The following PRELID3A variants were observed in gnomAD, a reference collection of about 807,000 sequenced individuals.
The protein encoded by PRELID3A is PRELI domain containing 3A, also known as PRELI domain containing protein 3A.
Under a neutral mutation model 23.0 loss-of-function variants are expected in PRELID3A, and 27 were observed. The observed-to-expected ratio is 1.17, with a 90% CI of 0.87 to 1.62. The LOEUF is 1.62. PRELID3A is among the 40% of genes most tolerant of loss of function. PRELID3A has a pLI of 0.00. For synonymous variants in PRELID3A, 87 were observed against 86.4 expected (o/e 1.01, Z -0.04); for missense variants, 231 against 231.4 (o/e 1.00, Z 0.01).
Position 12,407,955 on chromosome 18 carries a change from C to A in PRELID3A, c.-21C>A, listed in dbSNP as rs1279972519. On this transcript the variant is annotated 5_prime_UTR_variant, in exon 1 of 7. Transcript: ENST00000440960. ...AAGCACCCGGCCCGGATCGCAGAGC[C>A]CGCGCCCTGCGCCGGCGGCAATGAA... The A allele has an allele frequency of 7.7e-7, 1 of 1,294,542 alleles. No homozygotes were observed. Among genetic ancestry groups the A allele is most frequent in the Non-Finnish European group, 9.8e-7 (1 of 1,023,574 alleles). 80.2% of individuals were successfully genotyped at this position (1,294,542 alleles called of 1,614,324 possible).
At chr18:12,423,932 C>T (rs1481260475) in intron 3 of PRELID3A, among the ~76,000 whole-genome samples, 1 of 152,204 alleles carries the variant, frequency 6.6e-6, no homozygotes, top group Non-Finnish European at 1.5e-5. Flanking sequence ...CCAGGATGCT[C>T]AGTGCTGTCG....
At chr18:12,417,138 G>A (rs999131741) in intron 1 of PRELID3A, among the ~76,000 whole-genome samples, 10 of 152,076 alleles carry the variant, frequency 6.6e-5, no homozygotes, top group African/African-American at 2.2e-4. Flanking sequence ...ATTGTATTTA[G>A]TTTAAATCAT....
chr18:12,407,929 G>A lies in PRELID3A; in HGVS notation c.-47G>A. ...CGCCGCGCCCGGAGCCGCGCGGCCC[G>A]AAGCACCCGGCCCGGATCGCAGAGC... is the stretch of plus-strand genomic sequence containing the variant. On this transcript the variant is annotated 5_prime_UTR_variant, in exon 1 of 7. Coordinates refer to ENST00000440960, the MANE Select transcript of PRELID3A (RefSeq NM_001142405.2). 2 of 1,277,662 alleles carry A rather than the reference G, an allele frequency of 1.6e-6. No individual in the cohort carries two copies. Among genetic ancestry groups the A allele is most frequent in the Admixed American group, 4.2e-5 (1 of 23,994 alleles). 79.1% of individuals were successfully genotyped at this position (1,277,662 alleles called of 1,614,324 possible).
chr18:12,419,946 AGGTTT>A (rs1327730067), intron 1 of PRELID3A: 2 of 212,226 alleles, frequency 9.4e-6, no homozygotes, highest in Non-Finnish European at 1.8e-5. Context: ...AAAGTCATTC[AGGTTT>A]GGTGGCACAC....
At chr18:12,408,349 C>T (rs1298322515) in intron 1 of PRELID3A, among the ~76,000 whole-genome samples, 1 of 151,476 alleles carries the variant, frequency 6.6e-6, no homozygotes, top group African/African-American at 2.4e-5. Flanking sequence ...GCCGGGGGGG[C>T]GGCCGGGGGC....
intron 1 of PRELID3A, among the ~76,000 whole-genome samples, chr18:12,412,190 T>TC (rs1909941372): frequency 9.8e-6 from 1 of 101,938 alleles, no homozygotes; most frequent in Non-Finnish European, 1.9e-5. Context: ...GCGCCCGGCC[T>TC]TTTTTTTTTT....
intron 1 of PRELID3A, among the ~76,000 whole-genome samples, chr18:12,414,576 A>AT (rs1450599259): frequency 6.6e-6 from 1 of 152,140 alleles, no homozygotes; most frequent in Non-Finnish European, 1.5e-5. Context: ...AAATACAAAA[A>AT]TTAGCTGGGT....
In PRELID3A at chr18:12,421,216, T is replaced by C. The variant is rs1009448041; in HGVS notation, c.202-324T>C. 9.5e-6 allele frequency: 3 copies of C among 315,038 alleles called. No homozygotes were observed. In the South Asian group the frequency reaches 1.2e-4, roughly 13 times the overall value. 19.5% of individuals were successfully genotyped at this position (315,038 alleles called of 1,614,324 possible). On this transcript the variant is annotated intron_variant, in intron 2 of 6. Coordinates refer to ENST00000440960, the MANE Select transcript of PRELID3A (RefSeq NM_001142405.2). ...GCCTGACACCCCCACCCCAGCACTA[T>C]GGTGGTACCTTCCTCTTTGGGGCTC... is the stretch of plus-strand genomic sequence containing the variant.
At chr18:12,428,329 A>G (rs1225546464) in intron 5 of PRELID3A, among the ~76,000 whole-genome samples, 1 of 152,206 alleles carries the variant, frequency 6.6e-6, no homozygotes, top group East Asian at 1.9e-4. Context: ...CATTTAAAAG[A>G]TGCCACTTGC....
chr18:12,426,093 G>A (rs2143388727), intron 3 of PRELID3A, among the ~76,000 whole-genome samples: 1 of 151,508 alleles, frequency 6.6e-6, no homozygotes, highest in African/African-American at 2.4e-5. Flanking sequence ...AAAAAACTTA[G>A]CCAGGCATGG....
intron 3 of PRELID3A, among the ~76,000 whole-genome samples, chr18:12,425,969 G>T (rs2030346745): frequency 6.6e-6 from 1 of 152,000 alleles, no homozygotes; most frequent in African/African-American, 2.4e-5. Flanking sequence ...AGGTGTGGTG[G>T]CTCATGCCTG....
At chr18:12,421,393 A>T in intron 2 of PRELID3A, 147 bp from the exon 3 acceptor site, 3 of 632,142 alleles carry the variant, frequency 4.7e-6, no homozygotes, top group Non-Finnish European at 8.5e-6. Context: ...AGCGCCCTGG[A>T]CACAGGGGTT....
chr18:12,423,891 G>A (rs2030274389), intron 3 of PRELID3A, among the ~76,000 whole-genome samples: 1 of 152,224 alleles, frequency 6.6e-6, no homozygotes, highest in Non-Finnish European at 1.5e-5. Flanking sequence ...GAGCTCCTAT[G>A]AGCTTCTCAG....
chr18:12,421,768 A>C (rs1048849087), intron 3 of PRELID3A, 139 bp downstream of exon 3: 27 of 619,690 alleles, frequency 4.4e-5, no homozygotes, highest in South Asian at 2.9e-4. Flanking sequence ...TTCATTTAGC[A>C]GTTTATCTTT....
chr18:12,429,285 T>G, intron 5 of PRELID3A, 65 bp from the exon 6 acceptor site: 1 of 1,411,286 alleles, frequency 7.1e-7, no homozygotes, highest in Admixed American at 1.7e-5. Flanking sequence ...TGTGGACTTG[T>G]CGCTTGCTGT....
intron 5 of PRELID3A, among the ~76,000 whole-genome samples, chr18:12,427,588 G>A (rs1312012150): frequency 3.3e-5 from 5 of 151,914 alleles, no homozygotes; most frequent in African/African-American, 9.7e-5. Flanking sequence ...CCAGCTACTC[G>A]AGAGTCTGAG....
At chr18:12,422,947 A>T (rs1054037653) in intron 3 of PRELID3A, among the ~76,000 whole-genome samples, 2 of 152,206 alleles carry the variant, frequency 1.3e-5, no homozygotes, top group Non-Finnish European at 2.9e-5. Flanking sequence ...AGTGCCTGCC[A>T]GGTACCCAGC....
Sources: allele counts gnomAD v4.1 joint callset (sites outside exome capture counted in the v4.1 genomes callset), GRCh38; gene constraint gnomAD v4.1.1; transcripts MANE v1.5; gene names NCBI Gene and HGNC (gene_info 2026-07-23, HGNC 2026-07-21).